The following RABGAP1L variants were observed in gnomAD, a reference collection of about 807,000 sequenced individuals.
RABGAP1L encodes the protein rab GTPase-activating protein 1-like.
Under a neutral mutation model 137.7 loss-of-function variants are expected in RABGAP1L, and 63 were observed. That is an observed-to-expected ratio of 0.46 (90% confidence interval 0.37 to 0.56). The LOEUF is 0.56. RABGAP1L is among the 20% of genes least tolerant of loss of function. RABGAP1L has a pLI of 0.00. For synonymous variants in RABGAP1L, 431 were observed against 433.7 expected, an observed-to-expected ratio of 0.99 and a Z score of 0.08; for missense variants, 1,095 against 1,244.0, an observed-to-expected ratio of 0.88 and a Z score of 1.80.
intron 13 of RABGAP1L, among the ~76,000 whole-genome samples, chr1:174,400,682 CTGG>C (rs1401746040): frequency 6.6e-6 from 1 of 152,008 alleles, no homozygotes; most frequent in East Asian, 1.9e-4. Flanking sequence ...GCAGCTGTTC[CTGG>C]TGAACTAACC....
chr1:174,707,043 G>A (rs1317403462), intron 17 of RABGAP1L, among the ~76,000 whole-genome samples: 2 of 152,066 alleles, frequency 1.3e-5, no homozygotes, highest in African/African-American at 4.8e-5. Context: ...TTTAGTTAAC[G>A]TACCTATGCA....
At chr1:174,672,812 G>A (rs1677286479) in intron 14 of RABGAP1L, among the ~76,000 whole-genome samples, 1 of 152,070 alleles carries the variant, frequency 6.6e-6, no homozygotes, top group Admixed American at 6.6e-5. Flanking sequence ...TACGGTTGGA[G>A]ATTTACAGTT....
At chr1:174,542,711 G>C (rs1383585561) in intron 13 of RABGAP1L, among the ~76,000 whole-genome samples, 4 of 152,118 alleles carry the variant, frequency 2.6e-5, no homozygotes, top group South Asian at 2.1e-4. Context: ...GATCTTTCCT[G>C]TTTACTCTTG....
At chr1:174,791,902 A>T (rs534668060) in intron 18 of RABGAP1L, among the ~76,000 whole-genome samples, 6 of 152,324 alleles carry the variant, frequency 3.9e-5, no homozygotes, top group African/African-American at 1.2e-4. Context: ...AGACTTGTGG[A>T]TACCCCTTCT....
intron 1 of RABGAP1L, among the ~76,000 whole-genome samples, chr1:174,203,476 T>C (rs1668281368): frequency 6.6e-6 from 1 of 152,220 alleles, no homozygotes; most frequent in Non-Finnish European, 1.5e-5. Flanking sequence ...GTGCCTGTTT[T>C]TGTACCCGTA....
chr1:174,709,682 A>T (rs1055513878), intron 17 of RABGAP1L, among the ~76,000 whole-genome samples: 2 of 152,256 alleles, frequency 1.3e-5, no homozygotes, highest in African/African-American at 4.8e-5. Flanking sequence ...GGTCACCAAC[A>T]TCAAAGACCA....
At chr1:174,925,885 T>G (rs549669428) in intron 19 of RABGAP1L, among the ~76,000 whole-genome samples, 22,151 of 94,422 alleles carry the variant, frequency 0.23, 2,176 homozygotes, top group African/African-American at 0.32. Context: ...TGTTTTTTTT[T>G]TGTGTTTTTT....
At chr1:174,612,068 C>T (rs1017556174) in intron 13 of RABGAP1L, among the ~76,000 whole-genome samples, 10 of 152,210 alleles carry the variant, frequency 6.6e-5, no homozygotes, top group African/African-American at 2.4e-4. Flanking sequence ...GCCTAATTGC[C>T]CTGGCCAGAA....
intron 20 of RABGAP1L, 195 bp downstream of exon 20, chr1:174,957,744 T>TTTC: frequency 1.1e-6 from 1 of 881,918 alleles, no homozygotes; most frequent in Non-Finnish European, 1.8e-6. Flanking sequence ...TTTTTTTTTT[T>TTTC]TTCTTAAAGC....
At chr1:174,677,061 C>T (rs537778714) in intron 14 of RABGAP1L, among the ~76,000 whole-genome samples, 2 of 151,100 alleles carry the variant, frequency 1.3e-5, no homozygotes, top group African/African-American at 2.5e-5. Context: ...GTGGCTCATG[C>T]GTGTAATCCA....
chr1:174,159,565 G>A lies in RABGAP1L; in HGVS notation c.-126G>A, dbSNP rs960513777. ...GGCTCCAGCGGTGGCGGAGCGAACG[G>A]GACCGGCCCGGCTTCAGAGCGCGAG... On this transcript the variant is annotated 5_prime_UTR_variant, in exon 1 of 26. Transcript: ENST00000681986. 1 of 152,504 alleles carries A rather than the reference G, an allele frequency of 6.6e-6. No homozygotes were observed. The highest frequency in any genetic ancestry group is 1.9e-4 in the East Asian group (1 of 5,178). 9.4% of individuals were successfully genotyped at this position (152,504 alleles called of 1,614,324 possible). A position where few individuals can be genotyped will look rare whatever the true frequency, so the allele number is the denominator to read the frequency against.
intron 14 of RABGAP1L, among the ~76,000 whole-genome samples, chr1:174,651,458 G>C (rs916643750): frequency 6.6e-6 from 1 of 152,214 alleles, no homozygotes; most frequent in Admixed American, 6.5e-5. Flanking sequence ...CATTATTATT[G>C]TGTGGGAGTC....
intron 13 of RABGAP1L, among the ~76,000 whole-genome samples, chr1:174,636,948 G>A (rs1027662218): frequency 6.6e-6 from 1 of 152,168 alleles, no homozygotes; most frequent in Non-Finnish European, 1.5e-5. Flanking sequence ...AGAATGTTCA[G>A]TAAATTATGA....
At chr1:174,206,731 G>C (rs114858127) in intron 1 of RABGAP1L, among the ~76,000 whole-genome samples, 1 of 152,104 alleles carries the variant, frequency 6.6e-6, no homozygotes, top group South Asian at 2.1e-4. Flanking sequence ...GCACACTTTC[G>C]AATATGTTAC....
chr1:174,583,647 C>T (rs1030498760), intron 13 of RABGAP1L, among the ~76,000 whole-genome samples: 2 of 152,092 alleles, frequency 1.3e-5, no homozygotes, highest in African/African-American at 2.4e-5. Context: ...ATTTGCTAAA[C>T]CCTAATTTGT....
intron 19 of RABGAP1L, among the ~76,000 whole-genome samples, chr1:174,947,240 G>T: frequency 6.9e-6 from 1 of 144,730 alleles, no homozygotes. Context: ...CAGTTTCACT[G>T]AGCTAATTTT....
At chr1:174,988,538 A>C (rs967595676) in intron 24 of RABGAP1L, 103 bp from the exon 25 acceptor site, 2 of 1,033,610 alleles carry the variant, frequency 1.9e-6, no homozygotes, top group African/African-American at 3.3e-5. Flanking sequence ...ATGGGCCTGC[A>C]TCTATGACAA....
At chr1:174,232,656 G>A (rs781601424) in intron 4 of RABGAP1L, among the ~76,000 whole-genome samples, 7 of 151,574 alleles carry the variant, frequency 4.6e-5, no homozygotes, top group South Asian at 2.1e-4. Context: ...GGTGGCGGGC[G>A]CCTGTAGTCC....
rs1224464132 is a variant in RABGAP1L, at chr1:174,990,038, A to T, written c.*37A>T. On this transcript the variant is annotated 3_prime_UTR_variant, in exon 26 of 26. Coordinates refer to ENST00000681986, the MANE Select transcript of RABGAP1L (RefSeq NM_001366446.1). ...CCCAAGCACAAGAGCACAATGTTCAAACCAATGGAAATCTGGGAGGATTCT... is the reference window on the plus strand; with the variant it reads ...CCCAAGCACAAGAGCACAATGTTCATACCAATGGAAATCTGGGAGGATTCT... 1 of 1,477,162 alleles carries T rather than the reference A, an allele frequency of 6.8e-7. No individual in the cohort carries two copies. The highest frequency in any genetic ancestry group is 9.2e-7 in the Non-Finnish European group (1 of 1,088,654). 91.5% of individuals were successfully genotyped at this position (1,477,162 alleles called of 1,614,324 possible). A position where few individuals can be genotyped will look rare whatever the true frequency, so the allele number is the denominator to read the frequency against.
Sources: allele counts gnomAD v4.1 joint callset (sites outside exome capture counted in the v4.1 genomes callset), GRCh38; gene constraint gnomAD v4.1.1; transcripts MANE v1.5; gene names NCBI Gene and HGNC (gene_info 2026-07-23, HGNC 2026-07-21).